Variants in GALNTL6 observed in about 807,000 individuals in gnomAD.
The protein encoded by GALNTL6 is polypeptide N-acetylgalactosaminyltransferase like 6.
In GALNTL6, 46 loss-of-function variants were observed where a neutral mutation model predicts 73.7. That is an observed-to-expected ratio of 0.62 (90% CI 0.49 to 0.80). The LOEUF (loss-of-function observed/expected upper bound fraction) is 0.80, where lower values mean the gene tolerates loss of function less well. GALNTL6 is among the 30% of genes least tolerant of loss of function. The probability of loss-of-function intolerance (pLI) is 0.00; values close to 1 mark genes in which losing one functional copy is unlikely to be tolerated. For synonymous variants in GALNTL6, 259 were observed against 263.7 expected, an observed-to-expected ratio of 0.98 and a Z score of 0.17; for missense variants, 604 against 755.0, an observed-to-expected ratio of 0.80 and a Z score of 2.34.
intron 7 of GALNTL6, among the ~76,000 whole-genome samples, chr4:172,880,233 C>A (rs1745385519): frequency 1.3e-5 from 2 of 151,934 alleles, no homozygotes; most frequent in South Asian, 4.2e-4. Context: ...TTGTAATAGC[C>A]CCAAACTGCG....
intron 5 of GALNTL6, among the ~76,000 whole-genome samples, chr4:172,719,854 T>A (rs1431477768): frequency 2.0e-5 from 3 of 152,180 alleles, no homozygotes; most frequent in Admixed American, 6.5e-5. Flanking sequence ...TGCCCGTTTT[T>A]ATGGTTATTT....
chr4:173,023,813 T>C (rs1753115624), intron 12 of GALNTL6, among the ~76,000 whole-genome samples: 2 of 152,172 alleles, frequency 1.3e-5, no homozygotes, highest in African/African-American at 2.4e-5. Flanking sequence ...AAATGTATAA[T>C]AAATGATTCA....
At chr4:172,501,947 A>G (rs1002450140) in intron 5 of GALNTL6, among the ~76,000 whole-genome samples, 1 of 152,176 alleles carries the variant, frequency 6.6e-6, no homozygotes, top group Non-Finnish European at 1.5e-5. Context: ...AGATAATATA[A>G]ATGGCCTTAG....
chr4:172,277,468 A>C (rs1738877734), intron 3 of GALNTL6, among the ~76,000 whole-genome samples: 1 of 152,188 alleles, frequency 6.6e-6, no homozygotes, highest in Non-Finnish European at 1.5e-5. Flanking sequence ...TAGAGAAAAA[A>C]TAATAACCAA....
intron 5 of GALNTL6, among the ~76,000 whole-genome samples, chr4:172,426,815 G>A (rs999486565): frequency 4.6e-5 from 7 of 152,026 alleles, no homozygotes; most frequent in South Asian, 2.1e-4. Flanking sequence ...AATAGCATGG[G>A]CAACCACAGC....
intron 2 of GALNTL6, among the ~76,000 whole-genome samples, chr4:172,124,488 T>G (rs755872979): frequency 1.2e-4 from 18 of 152,182 alleles, no homozygotes; most frequent in Non-Finnish European, 2.5e-4. Flanking sequence ...AATAATAGTA[T>G]TTCTTTAACC....
At chr4:173,000,717 C>A (rs1752009086) in intron 10 of GALNTL6, among the ~76,000 whole-genome samples, 1 of 152,074 alleles carries the variant, frequency 6.6e-6, no homozygotes, top group Non-Finnish European at 1.5e-5. Context: ...ACATATAGAC[C>A]AAGGGAATCC....
At chr4:172,435,489 A>G (rs1731603593) in intron 5 of GALNTL6, among the ~76,000 whole-genome samples, 1 of 152,152 alleles carries the variant, frequency 6.6e-6, no homozygotes, top group African/African-American at 2.4e-5. Context: ...TGGGCGTTAC[A>G]GAGAAAATGG....
intron 5 of GALNTL6, among the ~76,000 whole-genome samples, chr4:172,713,754 C>T (rs971367344): frequency 2.0e-5 from 3 of 152,118 alleles, no homozygotes; most frequent in African/African-American, 4.8e-5. Flanking sequence ...ACATGGTGCT[C>T]CTCAATAGAT....
intron 2 of GALNTL6, among the ~76,000 whole-genome samples, chr4:172,056,488 C>A (rs547970664): frequency 6.6e-6 from 1 of 151,926 alleles, no homozygotes; most frequent in Admixed American, 6.6e-5. Context: ...AGAGTACATA[C>A]GATGAATAAA....
intron 2 of GALNTL6, among the ~76,000 whole-genome samples, chr4:171,957,740 A>C (rs1205944610): frequency 6.6e-6 from 1 of 152,218 alleles, no homozygotes; most frequent in Admixed American, 6.5e-5. Flanking sequence ...TAAGAAGTCA[A>C]CAGGTAAAGA....
chr4:172,635,877 C>T (rs1739650888), intron 5 of GALNTL6, among the ~76,000 whole-genome samples: 2 of 152,206 alleles, frequency 1.3e-5, no homozygotes, highest in Admixed American at 1.3e-4. Flanking sequence ...TATTTGGCTT[C>T]ATCCACTAAA....
intron 10 of GALNTL6, among the ~76,000 whole-genome samples, chr4:172,990,842 AC>A (rs1051521504): frequency 2.0e-5 from 3 of 152,248 alleles, no homozygotes; most frequent in Non-Finnish European, 1.5e-5. Flanking sequence ...CAGGAATCTT[AC>A]AAAGTTTTGA....
intron 7 of GALNTL6, among the ~76,000 whole-genome samples, chr4:172,849,176 A>G (rs1743678215): frequency 6.6e-6 from 1 of 152,210 alleles, no homozygotes; most frequent in African/African-American, 2.4e-5. Context: ...GACAGATTTC[A>G]GTTCTTTCAA....
intron 5 of GALNTL6, among the ~76,000 whole-genome samples, chr4:172,636,534 T>C (rs12649403): frequency 0.43 from 65,958 of 151,924 alleles, 16,351 homozygotes; most frequent in East Asian, 0.68. Flanking sequence ...GAGAAGGCCA[T>C]GTGACAATGG....
chr4:172,174,900 CATAA>C (rs1435848508), intron 2 of GALNTL6, among the ~76,000 whole-genome samples: 1 of 152,100 alleles, frequency 6.6e-6, no homozygotes, highest in African/African-American at 2.4e-5. Context: ...ATGACACATA[CATAA>C]ATATTCTGTA....
At chr4:172,012,878 T>C (rs1371741787) in intron 2 of GALNTL6, among the ~76,000 whole-genome samples, 1 of 152,106 alleles carries the variant, frequency 6.6e-6, no homozygotes, top group Non-Finnish European at 1.5e-5. Context: ...TTCATTTTTG[T>C]AGCCACTGCC....
At chr4:173,021,455 C>G in intron 11 of GALNTL6, 21 bp from the exon 12 acceptor site, 1 of 1,613,496 alleles carries the variant, frequency 6.2e-7, no homozygotes, top group Non-Finnish European at 8.5e-7. Flanking sequence ...TGCAGCTTTT[C>G]TGCTACTGTT....
At chr4:172,655,641 ACCT>A (rs1292759413) in intron 5 of GALNTL6, among the ~76,000 whole-genome samples, 2 of 152,204 alleles carry the variant, frequency 1.3e-5, no homozygotes, top group Admixed American at 1.3e-4. Flanking sequence ...AAAAGACGTG[ACCT>A]CAAGAGTAGT....
Sources: gnomAD v4.1 joint callset for allele counts (sites outside exome capture counted in the v4.1 genomes callset) on GRCh38, gnomAD v4.1.1 for gene constraint, MANE v1.5 for transcripts, NCBI Gene and HGNC (gene_info 2026-07-23, HGNC 2026-07-21) for gene names.